Variants in SLC35E4 observed in about 807,000 individuals in gnomAD.
SLC35E4 encodes solute carrier family 35, member E4.
SLC35E4 carries 15 observed loss-of-function variants against 19.3 expected under a neutral mutation model. That is an observed-to-expected ratio of 0.78 (90% confidence interval 0.52 to 1.20). The LOEUF (loss-of-function observed/expected upper bound fraction) is 1.20, where lower values mean the gene tolerates loss of function less well. Among genes scored for constraint, SLC35E4 ranks in the 50% most tolerant of loss-of-function variants. The probability of loss-of-function intolerance (pLI) is 0.00; values close to 1 mark genes in which losing one functional copy is unlikely to be tolerated. For missense variants in SLC35E4, 406 were observed against 472.3 expected (o/e 0.86, Z 1.30); for synonymous variants, 219 against 219.9 (o/e 1.00, Z 0.04).
At chr22:30,648,846 A>G (rs1408177895), downstream of SLC35E4, among the ~76,000 whole-genome samples, 2 of 152,054 alleles carry the variant, frequency 1.3e-5, no homozygotes, top group Non-Finnish European at 2.9e-5. Context: ...TCTCTTTCAA[A>G]AAAAAAAAGG....
intron 1 of SLC35E4, 123 bp from the exon 2 acceptor site, chr22:30,646,475 A>G: frequency 8.8e-7 from 1 of 1,136,626 alleles, no homozygotes; most frequent in Non-Finnish European, 1.2e-6. Flanking sequence ...TCAGATCAGG[A>G]GCCACTAGCC....
At chr22:30,658,573 G>A (rs948709172) in intron 2 of SLC35E4, among the ~76,000 whole-genome samples, 1 of 151,856 alleles carries the variant, frequency 6.6e-6, no homozygotes. Context: ...GCCATGGAGG[G>A]TGCGTAACAA....
chr22:30,644,102 T>G (rs1226034253), intron 1 of SLC35E4, among the ~76,000 whole-genome samples: 1 of 152,170 alleles, frequency 6.6e-6, no homozygotes, highest in Non-Finnish European at 1.5e-5. Flanking sequence ...CTTCTTGTGA[T>G]GGGACGTTTA....
chr22:30,642,110 C>T lies in SLC35E4; in HGVS notation c.620-4488C>T, dbSNP rs192284654. Among the ~76,000 whole-genome samples the T allele has an allele frequency of 5.8e-3, 881 of 152,160 alleles. 7 individuals are homozygous for T. The highest frequency in any genetic ancestry group is 9.3e-3 in the Non-Finnish European group (632 of 68,002). On this transcript the variant is annotated intron_variant, in intron 1 of 1. Coordinates refer to ENST00000343605, the MANE Select transcript of SLC35E4 (RefSeq NM_001001479.4). ...CACTGCGGCCTCAATTTCCCAGGCT[C>T]GGGCAATCCTCCCACCTCAGCCTCC...
chr22:30,664,008 G>A (rs970357526), downstream of SLC35E4: 3 of 1,609,822 alleles, frequency 1.9e-6, no homozygotes, highest in African/African-American at 4.0e-5. Flanking sequence ...TGTCATCAAG[G>A]CGGTGGGTCA....
intron 2 of SLC35E4, among the ~76,000 whole-genome samples, chr22:30,660,791 T>G (rs1484927280): frequency 1.3e-5 from 2 of 151,278 alleles, no homozygotes; most frequent in Non-Finnish European, 2.9e-5. Context: ...ATAGTTAGAA[T>G]GCCTCTGGAT....
downstream of SLC35E4, among the ~76,000 whole-genome samples, chr22:30,650,443 C>T (rs750238302): frequency 2.8e-4 from 42 of 152,260 alleles, no homozygotes; most frequent in Non-Finnish European, 5.7e-4. Flanking sequence ...TTGCTGTGAG[C>T]CAAGATTACG....
downstream of SLC35E4, chr22:30,664,230 A>C: frequency 1.8e-6 from 1 of 561,578 alleles, no homozygotes; most frequent in East Asian, 2.9e-5. Flanking sequence ...CATTTAAAGT[A>C]CAGATACCCA....
downstream of SLC35E4, chr22:30,663,708 C>G: frequency 6.2e-7 from 1 of 1,614,216 alleles, no homozygotes; most frequent in Non-Finnish European, 8.5e-7. Flanking sequence ...CAGCAAAGTA[C>G]GGCCCTGCTT....
intron 1 of SLC35E4, among the ~76,000 whole-genome samples, chr22:30,640,193 T>G (rs2145577012): frequency 6.6e-6 from 1 of 151,908 alleles, no homozygotes; most frequent in South Asian, 2.1e-4. Flanking sequence ...GCCAACGTGG[T>G]GAAACCCTGT....
chr22:30,651,495 G>A (rs548875541), downstream of SLC35E4, among the ~76,000 whole-genome samples: 29 of 129,424 alleles, frequency 2.2e-4, no homozygotes, highest in Admixed American at 2.6e-4. Flanking sequence ...ACCCAGACTG[G>A]TCTTGAACTC....
chr22:30,663,456 C>T (rs772310401), downstream of SLC35E4: 7 of 1,610,752 alleles, frequency 4.3e-6, no homozygotes, highest in South Asian at 2.2e-5. Flanking sequence ...AATCATCAAA[C>T]GGACTTCCTT....
At chr22:30,643,765 A>G (rs778107612) in intron 1 of SLC35E4, among the ~76,000 whole-genome samples, 1 of 152,178 alleles carries the variant, frequency 6.6e-6, no homozygotes, top group Admixed American at 6.6e-5. Context: ...CAAAAGGGCC[A>G]AGCCAATAGC....
At chr22:30,663,715 G>A, downstream of SLC35E4, 1 of 1,614,242 alleles carries the variant, frequency 6.2e-7, no homozygotes, top group Non-Finnish European at 8.5e-7. Flanking sequence ...GTACGGCCCT[G>A]CTTCATCTCC....
Position 30,636,751 on chromosome 22 carries a change from C to T in SLC35E4, c.301C>T (p.Pro101Ser). 6.2e-7 allele frequency: 1 copy of T among 1,612,214 alleles called. No individual in the cohort carries two copies. Among genetic ancestry groups the T allele is most frequent in the Non-Finnish European group, 8.5e-7 (1 of 1,179,460 alleles). ...GGCATGCCACCGGGGGGCACGGCGC[C>T]CCATGCCAGGCGGCACTCGCTGCCG... ...ALACHRGARR[P>S]MPGGTRCRVL... The change falls in exon 1 of 2, where the codon CCC becomes TCC. Residue 101 changes from proline (P) to serine (S), a missense_variant. Coordinates refer to ENST00000343605, the MANE Select transcript of SLC35E4 (RefSeq NM_001001479.4).
In SLC35E4 at chr22:30,653,441, G is replaced by A. The variant is rs549085511; in HGVS notation, c.*8+4188G>A. On this transcript the variant is annotated intron_variant, in intron 2 of 2. Transcript: ENST00000406566. ...GACTGGAGTGCAGTGGTGCGATCTC[G>A]GCTCACTGCAACCTCCGCCTCCTGG... Among the ~76,000 whole-genome samples the A allele has an allele frequency of 2.8e-4, 42 of 150,624 alleles. No individual in the cohort carries two copies. In the South Asian group the frequency reaches 4.2e-3, roughly 15 times the overall value.
rs76965000 is a variant in SLC35E4, at chr22:30,659,928, G to GA, written c.*9-2131dup. ...GTGAGAAGAATTCAACCTATTTCTG[G>GA]AGGGGCACACGTAGAAAGCACCAGA... On this transcript the variant is annotated intron_variant, in intron 2 of 2. Coordinates refer to the SLC35E4 transcript ENST00000406566. Among the ~76,000 whole-genome samples the GA allele has an allele frequency of 1.0e-3, 156 of 152,278 alleles. 3 individuals carry two copies. The East Asian group carries it at 0.027, about 26-fold the overall frequency.
downstream of SLC35E4, chr22:30,663,766 A>G (rs1321789480): frequency 1.2e-6 from 2 of 1,614,222 alleles, no homozygotes. Flanking sequence ...AAGAAGTCAC[A>G]GAGACGTGAG....
At chr22:30,667,130 G>A (rs1487139349), downstream of SLC35E4, 4 of 152,152 alleles carry the variant, frequency 2.6e-5, no homozygotes, top group African/African-American at 9.7e-5. Context: ...CCCTCATCTG[G>A]TTCGATCTTC....
Sources: gnomAD v4.1 joint callset for allele counts (sites outside exome capture counted in the v4.1 genomes callset) on GRCh38, gnomAD v4.1.1 for gene constraint, MANE v1.5 for transcripts, NCBI Gene and HGNC (gene_info 2026-07-23, HGNC 2026-07-21) for gene names.